Variants in PTK2 observed in about 807,000 individuals in gnomAD.
PTK2 encodes the protein protein tyrosine kinase 2.
A neutral mutation model predicts 150.1 loss-of-function variants in PTK2; 45 were observed. The ratio of observed to expected loss-of-function variants is 0.30; its 90% confidence interval spans 0.24 to 0.38. The LOEUF (loss-of-function observed/expected upper bound fraction) is 0.38. PTK2 is among the 10% of genes least tolerant of loss of function. PTK2 has a pLI of 1.00. For missense variants in PTK2, 919 were observed against 1,307.3 expected, an observed-to-expected ratio of 0.70 and a Z score of 4.58; for synonymous variants, 432 against 449.2, an observed-to-expected ratio of 0.96 and a Z score of 0.48.
chr8:140,836,234 G>A (rs900328562), intron 7 of PTK2, among the ~76,000 whole-genome samples: 2 of 152,090 alleles, frequency 1.3e-5, no homozygotes, highest in Admixed American at 6.5e-5. Context: ...ATTAGCCCAC[G>A]GTAAAACTGG....
intron 5 of PTK2, among the ~76,000 whole-genome samples, chr8:140,855,706 G>C (rs2100132161): frequency 6.6e-6 from 1 of 152,120 alleles, no homozygotes; most frequent in African/African-American, 2.4e-5. Context: ...AGTATACAAG[G>C]TACATGAAAA....
chr8:140,939,911 A>C (rs1448848662), intron 1 of PTK2, among the ~76,000 whole-genome samples: 1 of 152,230 alleles, frequency 6.6e-6, no homozygotes, highest in African/African-American at 2.4e-5. Flanking sequence ...ATCTAGGCGA[A>C]GTGCCAAAAA....
chr8:140,726,580 C>T (rs2154341287), intron 22 of PTK2, among the ~76,000 whole-genome samples: 1 of 151,928 alleles, frequency 6.6e-6, no homozygotes, highest in East Asian at 1.9e-4. Context: ...CATAACAGGG[C>T]AGAAGACAGT....
At chr8:140,756,348 T>C (rs1052623138) in intron 16 of PTK2, among the ~76,000 whole-genome samples, 3 of 150,542 alleles carry the variant, frequency 2.0e-5, no homozygotes, top group Non-Finnish European at 3.0e-5. Flanking sequence ...GAAAAAGATA[T>C]TTAACAAAAT....
chr8:140,797,818 A>C (rs187460598), intron 12 of PTK2, among the ~76,000 whole-genome samples: 1 of 152,160 alleles, frequency 6.6e-6, no homozygotes, highest in African/African-American at 2.4e-5. Flanking sequence ...TTTTATTTTT[A>C]TTTTTTAAAA....
intron 31 of PTK2, chr8:140,663,031 G>A (rs2083010307): frequency 2.9e-6 from 1 of 345,050 alleles, no homozygotes; most frequent in African/African-American, 2.1e-5. Context: ...GTGCTACAGA[G>A]ACAACCGACG....
intron 23 of PTK2, among the ~76,000 whole-genome samples, chr8:140,711,006 C>T (rs553920865): frequency 2.6e-5 from 4 of 152,338 alleles, no homozygotes; most frequent in South Asian, 4.1e-4. Context: ...GGCACGATCT[C>T]GGCTCACTGC....
intron 1 of PTK2, among the ~76,000 whole-genome samples, chr8:140,940,834 G>A (rs566549030): frequency 7.2e-5 from 11 of 152,054 alleles, no homozygotes; most frequent in Admixed American, 5.2e-4. Flanking sequence ...AAAATTAGCC[G>A]GGCATGGTGG....
At chr8:140,678,010 G>A (rs986148254) in intron 27 of PTK2, among the ~76,000 whole-genome samples, 2 of 152,124 alleles carry the variant, frequency 1.3e-5, no homozygotes, top group Non-Finnish European at 2.9e-5. Context: ...GGAGATGGCT[G>A]GGATAGAAGG....
At chr8:140,752,035 A>G in intron 17 of PTK2, 197 bp downstream of exon 20, 1 of 699,848 alleles carries the variant, frequency 1.4e-6, no homozygotes, top group Non-Finnish European at 2.6e-6. Flanking sequence ...ACCTTTACAC[A>G]TAAAACATGA....
intron 11 of PTK2, 138 bp from the exon 12 acceptor site, chr8:140,800,714 T>A: frequency 1.5e-6 from 1 of 649,896 alleles, no homozygotes; most frequent in Admixed American, 2.4e-5. Flanking sequence ...GTCATGAGAT[T>A]TGAGAAAGGA....
chr8:140,803,005 CTTTTTTT>C (rs778981723), intron 11 of PTK2, among the ~76,000 whole-genome samples: 11 of 77,348 alleles, frequency 1.4e-4, no homozygotes, highest in South Asian at 1.1e-3. Flanking sequence ...TGATGACAAT[CTTTTTTT>C]TTTTTTTTTT....
chr8:140,922,749 A>G (rs191830484), intron 2 of PTK2, among the ~76,000 whole-genome samples: 2 of 152,346 alleles, frequency 1.3e-5, no homozygotes, highest in African/African-American at 4.8e-5. Context: ...TTCTTTTAAA[A>G]ATGAGAGCAC....
At chr8:140,725,619 A>G (rs2100045280) in intron 22 of PTK2, among the ~76,000 whole-genome samples, 1 of 152,268 alleles carries the variant, frequency 6.6e-6, no homozygotes, top group Non-Finnish European at 1.5e-5. Context: ...GAGAAATCCC[A>G]GAATGAAGAC....
chr8:140,794,997 C>A (rs990335465), intron 12 of PTK2, among the ~76,000 whole-genome samples: 1 of 152,196 alleles, frequency 6.6e-6, no homozygotes. Flanking sequence ...GCAGTCATCA[C>A]AGGGCCTTGC....
chr8:140,691,194 T>TG (rs1281585905), intron 26 of PTK2, among the ~76,000 whole-genome samples: 1,797 of 141,066 alleles, frequency 0.013, 38 homozygotes, highest in East Asian at 0.091. Flanking sequence ...TAGAGATGGT[T>TG]GGGGGTGGGG....
intron 1 of PTK2, among the ~76,000 whole-genome samples, chr8:140,999,288 G>A (rs2100199072): frequency 6.6e-6 from 1 of 152,152 alleles, no homozygotes; most frequent in Non-Finnish European, 1.5e-5. Context: ...CCCTTATAAA[G>A]GAAGCATGTG....
intron 22 of PTK2, among the ~76,000 whole-genome samples, chr8:140,722,738 C>T (rs1244338942): frequency 1.3e-5 from 2 of 152,122 alleles, no homozygotes; most frequent in Non-Finnish European, 2.9e-5. Flanking sequence ...TTAAAATAAA[C>T]ACCACACCCT....
chr8:140,807,352 C>G (rs116910216), intron 10 of PTK2, among the ~76,000 whole-genome samples: 1 of 152,154 alleles, frequency 6.6e-6, no homozygotes, highest in Non-Finnish European at 1.5e-5. Flanking sequence ...TTGAGCAACA[C>G]GAGCTTAAGA....
Sources: gnomAD v4.1 joint callset for allele counts (sites outside exome capture counted in the v4.1 genomes callset) on GRCh38, gnomAD v4.1.1 for gene constraint, MANE v1.5 for transcripts, NCBI Gene and HGNC (gene_info 2026-07-23, HGNC 2026-07-21) for gene names.